ADARB2: variants seen among roughly 807,000 people sequenced by gnomAD.
The protein encoded by ADARB2 is adenosine deaminase RNA specific B2 (inactive).
ADARB2 carries 25 observed loss-of-function variants against 62.2 expected under a neutral mutation model. That is an observed-to-expected ratio of 0.40 (90% CI 0.29 to 0.56). The LOEUF (loss-of-function observed/expected upper bound fraction) is 0.56, where lower values mean the gene tolerates loss of function less well. Among genes scored for constraint, ADARB2 ranks in the 20% least tolerant of loss-of-function variants. The pLI is 0.43. For synonymous variants in ADARB2, 572 were observed against 500.8 expected (o/e 1.14, Z -1.90); for missense variants, 1,071 against 1,077.4 (o/e 0.99, Z 0.08).
At chr10:1,506,214 G>A (rs367612934) in intron 1 of ADARB2, among the ~76,000 whole-genome samples, 3 of 152,110 alleles carry the variant, frequency 2.0e-5, no homozygotes, top group African/African-American at 4.8e-5. Context: ...GAAATTTAAC[G>A]ACAACTGAAT....
chr10:1,355,165 C>T (rs182837536), intron 3 of ADARB2, among the ~76,000 whole-genome samples: 28 of 152,174 alleles, frequency 1.8e-4, no homozygotes, highest in African/African-American at 6.7e-4. Context: ...CCCTGCCAGT[C>T]AGCCCACCGT....
At chr10:1,576,187 T>C (rs1833018854) in intron 1 of ADARB2, among the ~76,000 whole-genome samples, 1 of 131,150 alleles carries the variant, frequency 7.6e-6, no homozygotes, top group African/African-American at 3.0e-5. Context: ...ACAGGACAGG[T>C]CTCAGGGTCA....
intron 8 of ADARB2, among the ~76,000 whole-genome samples, chr10:1,185,585 A>G (rs1836741891): frequency 6.6e-6 from 1 of 152,270 alleles, no homozygotes; most frequent in African/African-American, 2.4e-5. Flanking sequence ...CGCACTGGCT[A>G]CAGAGTGTTT....
At chr10:1,715,580 C>T (rs953585211) in intron 1 of ADARB2, among the ~76,000 whole-genome samples, 1 of 149,862 alleles carries the variant, frequency 6.7e-6, no homozygotes, top group African/African-American at 2.5e-5. Flanking sequence ...CTGCTTCTCA[C>T]CAGTGTTTCC....
chr10:1,200,441 A>ATT, intron 7 of ADARB2: 1 of 470,060 alleles, frequency 2.1e-6, no homozygotes, highest in Non-Finnish European at 3.8e-6. Context: ...TTAGAATTAG[A>ATT]TTTTTTTAAA....
intron 1 of ADARB2, among the ~76,000 whole-genome samples, chr10:1,558,643 C>A (rs1192781063): frequency 3.6e-5 from 5 of 139,598 alleles, no homozygotes; most frequent in Non-Finnish European, 6.3e-5. Context: ...ACCTCTGCCC[C>A]CCTCCGTGGG....
At chr10:1,591,079 C>T (rs1463475591) in intron 1 of ADARB2, among the ~76,000 whole-genome samples, 3 of 152,260 alleles carry the variant, frequency 2.0e-5, no homozygotes, top group Non-Finnish European at 4.4e-5. Flanking sequence ...GAATCTGTGT[C>T]CGAAGCCTTT....
At chr10:1,248,580 GAGA>G (rs1831008880) in intron 4 of ADARB2, among the ~76,000 whole-genome samples, 2 of 152,176 alleles carry the variant, frequency 1.3e-5, no homozygotes, top group Admixed American at 1.3e-4. Context: ...TCGGAGCCAG[GAGA>G]AGATCAGGAA....
At chr10:1,243,370 TCAC>T (rs1470663708) in intron 4 of ADARB2, among the ~76,000 whole-genome samples, 2 of 152,208 alleles carry the variant, frequency 1.3e-5, no homozygotes, top group African/African-American at 2.4e-5. Context: ...CAAATTAATG[TCAC>T]GCCAGAAGCA....
intron 4 of ADARB2, among the ~76,000 whole-genome samples, chr10:1,266,729 C>T (rs981412944): frequency 1.3e-5 from 2 of 152,154 alleles, no homozygotes; most frequent in African/African-American, 4.8e-5. Flanking sequence ...AGAAAGACCA[C>T]GCGAAACAGA....
chr10:1,357,659 G>A (rs1027504062), intron 3 of ADARB2, among the ~76,000 whole-genome samples: 1 of 152,190 alleles, frequency 6.6e-6, no homozygotes, highest in East Asian at 1.9e-4. Flanking sequence ...CAGGATGGGA[G>A]CGACATGAGC....
chr10:1,194,973 A>G (rs1407748053), intron 8 of ADARB2, among the ~76,000 whole-genome samples: 1 of 152,156 alleles, frequency 6.6e-6, no homozygotes, highest in African/African-American at 2.4e-5. Context: ...TTTTGATCTA[A>G]TGAGTAAGAG....
intron 7 of ADARB2, among the ~76,000 whole-genome samples, chr10:1,203,432 T>G (rs1837012258): frequency 6.6e-6 from 1 of 152,188 alleles, no homozygotes; most frequent in Admixed American, 6.5e-5. Context: ...TTTGGACGCT[T>G]TGGTTTTCCG....
chr10:1,281,619 G>A (rs1441732381), intron 3 of ADARB2, among the ~76,000 whole-genome samples: 3 of 152,224 alleles, frequency 2.0e-5, no homozygotes, highest in African/African-American at 4.8e-5. Context: ...GAGCAGCACC[G>A]AGGGGTGCAC....
intron 1 of ADARB2, among the ~76,000 whole-genome samples, chr10:1,621,866 G>A (rs892791236): frequency 6.6e-6 from 1 of 151,952 alleles, no homozygotes; most frequent in Non-Finnish European, 1.5e-5. Context: ...AGAATGTCAA[G>A]CTCCTCTTAA....
At chr10:1,679,772 A>G (rs530090017) in intron 1 of ADARB2, among the ~76,000 whole-genome samples, 312 of 152,304 alleles carry the variant, frequency 2.0e-3, no homozygotes, top group Middle Eastern at 0.017. Context: ...AGATGTTCCA[A>G]CGACTGGATC....
intron 6 of ADARB2, among the ~76,000 whole-genome samples, chr10:1,220,285 A>G (rs1198291633): frequency 5.7e-5 from 6 of 104,810 alleles, no homozygotes; most frequent in African/African-American, 7.4e-5. Context: ...GGTAATGGTG[A>G]TGGTGGTGGT....
intron 1 of ADARB2, among the ~76,000 whole-genome samples, chr10:1,538,398 C>T (rs905967105): frequency 6.6e-6 from 1 of 152,224 alleles, no homozygotes; most frequent in Non-Finnish European, 1.5e-5. Context: ...CTCCTTCACC[C>T]TCTCCTCAAT....
chr10:1,615,071 CA>C (rs1265262937), intron 1 of ADARB2, among the ~76,000 whole-genome samples: 3 of 152,126 alleles, frequency 2.0e-5, no homozygotes, highest in Admixed American at 2.0e-4. Flanking sequence ...TAAAAAACAG[CA>C]AACAAAGTTA....
Sources: gnomAD v4.1 joint callset for allele counts (sites outside exome capture counted in the v4.1 genomes callset) on GRCh38, gnomAD v4.1.1 for gene constraint, MANE v1.5 for transcripts, NCBI Gene and HGNC (gene_info 2026-07-23, HGNC 2026-07-21) for gene names.